SLMAP: variants seen among roughly 807,000 people sequenced by gnomAD.
The protein encoded by SLMAP is sarcolemma associated protein.
A neutral mutation model predicts 128.8 loss-of-function variants in SLMAP; 44 were observed. The ratio of observed to expected loss-of-function variants is 0.34; its 90% CI spans 0.27 to 0.44. The LOEUF (loss-of-function observed/expected upper bound fraction) is 0.44. SLMAP is among the 20% of genes least tolerant of loss of function. SLMAP has a pLI of 1.00. For missense variants in SLMAP, 787 were observed against 985.3 expected (o/e 0.80, Z 2.69); for synonymous variants, 327 against 348.8 (o/e 0.94, Z 0.70).
At position 57,869,138 on chromosome 3, in the gene SLMAP, G is replaced by A. The variant is rs139023254; in HGVS notation, c.1238-2498G>A. On this transcript the variant is annotated intron_variant, in intron 13 of 24. Coordinates refer to ENST00000671191, the MANE Select transcript of SLMAP (RefSeq NM_001377540.1). ...GGCCATCTGCAAGCTGAGGAGCAAG[G>A]AGAGCCAGTCTGAGTTCCAAAACTG... Among the ~76,000 whole-genome samples, 735 of 148,570 alleles carry A rather than the reference G, an allele frequency of 4.9e-3. 8 individuals carry two copies. Among genetic ancestry groups the A allele is most frequent in the African/African-American group, 0.017 (670 of 40,296 alleles).
intron 17 of SLMAP, 190 bp downstream of exon 17, chr3:57,897,122 A>C: frequency 7.4e-7 from 1 of 1,350,734 alleles, no homozygotes. Context: ...ATTGTTGAAT[A>C]ATTTGGATCA....
At position 57,922,916 on chromosome 3, in the gene SLMAP, G is replaced by A. The variant is rs916528975; in HGVS notation, c.2338G>A (p.Glu780Lys). ...TGAAAAGACACAGACTGTACTCTCA[G>A]AACTGAAGTTGAAGTTTGAAATGAC... ...EYEKTQTVLS[E>K]LKLKFEMTEQ... Residue 780 changes from glutamate (E) to lysine (K), a missense_variant, in exon 23 of 25, where the codon GAA becomes AAA. Coordinates refer to ENST00000671191, the MANE Select transcript of SLMAP (RefSeq NM_001377540.1). The A allele has an allele frequency of 1.2e-6, 2 of 1,613,472 alleles. No homozygotes were observed. Among genetic ancestry groups the A allele is most frequent in the Admixed American group, 3.3e-5 (2 of 60,002 alleles).
chr3:57,821,459 G>T (rs2092509900), intron 2 of SLMAP, among the ~76,000 whole-genome samples: 1 of 152,122 alleles, frequency 6.6e-6, no homozygotes, highest in South Asian at 2.1e-4. Flanking sequence ...TATGAATAAA[G>T]ATTTTTATTT....
intron 2 of SLMAP, among the ~76,000 whole-genome samples, chr3:57,809,680 C>T (rs773273524): frequency 5.3e-5 from 8 of 152,150 alleles, no homozygotes; most frequent in Non-Finnish European, 7.4e-5. Context: ...GTGCCTTTTC[C>T]GGTCCCATTC....
chr3:57,801,381 T>G (rs2088315677), intron 2 of SLMAP: 1 of 152,770 alleles, frequency 6.5e-6, no homozygotes, highest in Non-Finnish European at 1.5e-5. Flanking sequence ...AGGTTACATT[T>G]CTTAATTTCA....
At chr3:57,879,646 A>G (rs962240826) in intron 14 of SLMAP, among the ~76,000 whole-genome samples, 2 of 152,204 alleles carry the variant, frequency 1.3e-5, no homozygotes, top group African/African-American at 4.8e-5. Context: ...ATTAAATACC[A>G]TGAAAGTCAG....
chr3:57,929,555 G>A lies in SLMAP; in HGVS notation c.*2266G>A, dbSNP rs770255142. Among the ~76,000 whole-genome samples the A allele has an allele frequency of 5.9e-5, 9 of 152,064 alleles. No individual in the cohort carries two copies. In the South Asian group the frequency reaches 8.3e-4, roughly 14 times the overall value. ...TCAGTTTTGTTCAGTTCACTTCCAC[G>A]TTAAATAAAGAATAGGATTATTCAC... On this transcript the variant is annotated 3_prime_UTR_variant, in exon 25 of 25. Coordinates refer to ENST00000671191, the MANE Select transcript of SLMAP (RefSeq NM_001377540.1).
At chr3:57,821,833 AT>A (rs1239130380) in intron 2 of SLMAP, among the ~76,000 whole-genome samples, 1 of 151,480 alleles carries the variant, frequency 6.6e-6, no homozygotes, top group Non-Finnish European at 1.5e-5. Context: ...TGTATCTTGC[AT>A]TTTTCCACTT....
At chr3:57,926,145 AC>A in intron 24 of SLMAP, 1 of 546,908 alleles carries the variant, frequency 1.8e-6, no homozygotes, top group African/African-American at 1.9e-5. Flanking sequence ...AGTAATGCTA[AC>A]CATGAGTTAA....
At position 57,912,577 on chromosome 3, in the gene SLMAP, G is replaced by T; in HGVS notation, c.1896G>T (p.Glu632Asp). 1 of 1,614,172 alleles carries T rather than the reference G, an allele frequency of 6.2e-7. No individual in the cohort carries two copies. Among genetic ancestry groups the T allele is most frequent in the Admixed American group, 1.7e-5 (1 of 60,016 alleles). ...AAGAGCTTAAGAAGGTGAGAGCTGA[G>T]CTTGAGCGGTGGCGGAAAGCAGCGT... ...LQEELKKVRA[E>D]LERWRKAASE... is the part of the protein sequence containing the mutation. The change falls in exon 20 of 25, where the codon GAG (glutamate) becomes GAT (aspartate). Residue 632 changes from glutamate to aspartate, a missense_variant. By Grantham distance (45) the Glu-to-Asp change is conservative. Around this residue, in one of 2 missense-constraint regions of SLMAP, gnomAD observed 715 missense variants for 843.6 expected, o/e 0.85. Transcript: ENST00000671191.
At chr3:57,880,446 G>T (rs923742520) in intron 14 of SLMAP, among the ~76,000 whole-genome samples, 1 of 152,016 alleles carries the variant, frequency 6.6e-6, no homozygotes, top group Admixed American at 6.6e-5. Context: ...CAGGTGATCC[G>T]CCCGCCTCAG....
intron 6 of SLMAP, among the ~76,000 whole-genome samples, chr3:57,855,005 C>A (rs547571755): frequency 1.1e-3 from 170 of 152,316 alleles, no homozygotes; most frequent in African/African-American, 4.0e-3. Flanking sequence ...TGTTATTGTA[C>A]TGCATACTGA....
chr3:57,923,324 G>A (rs2096949007), intron 23 of SLMAP, among the ~76,000 whole-genome samples: 1 of 152,192 alleles, frequency 6.6e-6, no homozygotes, highest in African/African-American at 2.4e-5. Context: ...CTGTCACTAA[G>A]CTATCATCTG....
At chr3:57,899,475 A>G (rs1038429763) in intron 17 of SLMAP, 1 of 152,218 alleles carries the variant, frequency 6.6e-6, no homozygotes, top group Non-Finnish European at 1.5e-5. Flanking sequence ...ATGATTGCCA[A>G]CTTTTTTGTT....
Sources: allele counts gnomAD v4.1 joint callset (sites outside exome capture counted in the v4.1 genomes callset), GRCh38; gene constraint gnomAD v4.1.1; regional missense constraint gnomAD v4.1.1; transcripts MANE v1.5; gene names NCBI Gene and HGNC (gene_info 2026-07-23, HGNC 2026-07-21).